KIRREL3: variants seen among roughly 807,000 people sequenced by gnomAD.
KIRREL3 encodes the protein kin of IRRE-like protein 3.
In KIRREL3, 36 loss-of-function variants were observed where a neutral mutation model predicts 89.7. The ratio of observed to expected loss-of-function variants is 0.40; its 90% CI spans 0.31 to 0.53. The LOEUF is 0.53. KIRREL3 is among the 20% of genes least tolerant of loss of function. The probability of loss-of-function intolerance (pLI) is 0.49; values close to 1 mark genes in which losing one functional copy is unlikely to be tolerated. For synonymous variants in KIRREL3, 445 were observed against 441.4 expected (o/e 1.01, Z -0.10); for missense variants, 864 against 1,056.6 (o/e 0.82, Z 2.53).
Position 126,485,927 on chromosome 11 carries a change from C to A in KIRREL3, c.434-12461G>T, listed in dbSNP as rs1220151612. On this transcript the variant is annotated intron_variant, in intron 4 of 16. Coordinates refer to ENST00000525144, the MANE Select transcript of KIRREL3 (RefSeq NM_032531.4). The surrounding 1 kb of genome is among the most constrained non-coding windows in gnomAD (Gnocchi z 5.8). ...GGGAGGGAGGGCTAGTCCAGTGGGC[C>A]AGGGAAAGGGAGCCAGGTGCTGTCA... is the stretch of plus-strand genomic sequence containing the variant. Among the ~76,000 whole-genome samples the A allele has an allele frequency of 1.3e-5, 2 of 152,178 alleles. No homozygotes were observed. The highest frequency in any genetic ancestry group is 4.8e-5 in the African/African-American group (2 of 41,440).
chr11:126,522,801 G>A lies in KIRREL3; in HGVS notation c.284-1337C>T, dbSNP rs1285227443. Among the ~76,000 whole-genome samples, 7 of 152,084 alleles carry A rather than the reference G, an allele frequency of 4.6e-5. No individual in the cohort carries two copies. The highest frequency in any genetic ancestry group is 1.2e-4 in the African/African-American group (5 of 41,406). On this transcript the variant is annotated intron_variant, in intron 3 of 16. Transcript: ENST00000525144. This position sits in a 1 kb window ranked among gnomAD's most constrained non-coding sequence, Gnocchi z 6.0. Reference sequence around the variant, plus strand: ...CCCCGCTGTCTTTCATCTCTGTCCCGGTTCCCTTCTCTCCTCAGAGGCTGC... The same window carrying A: ...CCCCGCTGTCTTTCATCTCTGTCCCAGTTCCCTTCTCTCCTCAGAGGCTGC...
At position 126,704,984 on chromosome 11, in the gene KIRREL3, G is replaced by T. The variant is rs1490842312; in HGVS notation, c.56-142072C>A. 1.3e-5 allele frequency among the ~76,000 whole-genome samples: 2 copies of T among 152,170 alleles called. No individual in the cohort carries two copies. Among genetic ancestry groups the T allele is most frequent in the East Asian group, 3.9e-4 (2 of 5,192 alleles). On this transcript the variant is annotated intron_variant, in intron 1 of 16. Coordinates refer to ENST00000525144, the MANE Select transcript of KIRREL3 (RefSeq NM_032531.4). The surrounding 1 kb of genome is among the most constrained non-coding windows in gnomAD (Gnocchi z 4.2). ...GCAGCTCCAGAGCTGTATGACAGGA[G>T]TGGGAGGACTCTTGGGTCAGAACTG...
chr11:126,670,224 A>T (rs1407804194), intron 1 of KIRREL3, among the ~76,000 whole-genome samples: 1 of 151,906 alleles, frequency 6.6e-6, no homozygotes, highest in Non-Finnish European at 1.5e-5. Context: ...TAATGATTTT[A>T]AAAAATCAGC....
intron 4 of KIRREL3, among the ~76,000 whole-genome samples, chr11:126,499,470 C>T (rs927246481): frequency 2.6e-5 from 4 of 152,168 alleles, no homozygotes; most frequent in Admixed American, 2.0e-4. Context: ...TCGGATCAGG[C>T]GATGAGCTCT....
At chr11:126,846,783 T>C (rs1592215724) in intron 1 of KIRREL3, among the ~76,000 whole-genome samples, 1 of 152,274 alleles carries the variant, frequency 6.6e-6, no homozygotes, top group East Asian at 1.9e-4. Flanking sequence ...TTACTTAAGT[T>C]TGGAGGTTTA....
chr11:126,721,069 G>A (rs1237235012), intron 1 of KIRREL3, among the ~76,000 whole-genome samples: 1 of 152,228 alleles, frequency 6.6e-6, no homozygotes, highest in East Asian at 1.9e-4. Flanking sequence ...TTTTGGCTGA[G>A]AGCCAAAGTG....
At position 126,477,133 on chromosome 11, in the gene KIRREL3, C is replaced by G. The variant is rs1449836152; in HGVS notation, c.434-3667G>C. Among the ~76,000 whole-genome samples the G allele has an allele frequency of 6.6e-6, 1 of 152,236 alleles. No homozygotes were observed. Among genetic ancestry groups the G allele is most frequent in the Non-Finnish European group, 1.5e-5 (1 of 68,038 alleles). On this transcript the variant is annotated intron_variant, in intron 4 of 16. Transcript: ENST00000525144. The surrounding 1 kb of genome is among the most constrained non-coding windows in gnomAD (Gnocchi z 4.8). ...CCAGCCTAAGAGGCCACAGCGCGGC[C>G]TTAGCCGGGGGTGGCTGAGCGACAC...
rs1373819635 is a variant in KIRREL3, at chr11:126,569,377, T to C, written c.56-6465A>G. ...AACATTTTGTTGGGGGAAACAGCAG[T>C]TGGATCCTGTGGGTAGACTCTGCTA... On this transcript the variant is annotated intron_variant, in intron 1 of 16. Transcript: ENST00000525144. The surrounding 1 kb of genome is among the most constrained non-coding windows in gnomAD (Gnocchi z 6.5). Among the ~76,000 whole-genome samples, 2 of 152,236 alleles carry C rather than the reference T, an allele frequency of 1.3e-5. No individual in the cohort carries two copies. Among genetic ancestry groups the C allele is most frequent in the East Asian group, 3.9e-4 (2 of 5,164 alleles).
chr11:126,942,477 C>T (rs1948483766), intron 1 of KIRREL3, among the ~76,000 whole-genome samples: 2 of 152,116 alleles, frequency 1.3e-5, no homozygotes, highest in Non-Finnish European at 2.9e-5. Flanking sequence ...TAACCCTAGC[C>T]ATGGATTCAG....
chr11:126,914,075 T>C (rs1000037073), intron 1 of KIRREL3, among the ~76,000 whole-genome samples: 2 of 152,210 alleles, frequency 1.3e-5, no homozygotes, highest in African/African-American at 4.8e-5. Flanking sequence ...TATGAGTGAA[T>C]GTGATGCCAC....
At chr11:126,875,466 G>C (rs1368540788) in intron 1 of KIRREL3, among the ~76,000 whole-genome samples, 1 of 152,156 alleles carries the variant, frequency 6.6e-6, no homozygotes, top group African/African-American at 2.4e-5. Flanking sequence ...TTCACATCTT[G>C]GAAATGCAAT....
At chr11:126,916,551 T>C (rs1429356878) in intron 1 of KIRREL3, among the ~76,000 whole-genome samples, 1 of 152,066 alleles carries the variant, frequency 6.6e-6, no homozygotes, top group African/African-American at 2.4e-5. Flanking sequence ...TCCGAGACTA[T>C]GTTTAGGGTA....
Position 126,989,997 on chromosome 11 carries a change from G to A in KIRREL3, c.55+10458C>T, listed in dbSNP as rs747962610. 6.6e-6 allele frequency among the ~76,000 whole-genome samples: 1 copy of A among 152,206 alleles called. No individual in the cohort carries two copies. The highest frequency in any genetic ancestry group is 2.1e-4 in the South Asian group (1 of 4,830). On this transcript the variant is annotated intron_variant, in intron 1 of 16. Transcript: ENST00000525144. The surrounding 1 kb of genome is among the most constrained non-coding windows in gnomAD (Gnocchi z 6.2). ...TTTGTTTTGTTTTTTCAGCATTTGC[G>A]GGGAATGACAACAGAAATATTGGCT...
intron 1 of KIRREL3, among the ~76,000 whole-genome samples, chr11:126,926,808 G>A (rs1001344311): frequency 3.3e-5 from 5 of 152,230 alleles, no homozygotes; most frequent in Admixed American, 2.0e-4. Context: ...AAGCAAAGGA[G>A]AAAGATGTCT....
rs1231168759 is a variant in KIRREL3, at chr11:126,553,332, C to T, written c.133+9503G>A. ...GAGTAAGGAAAGCCCACTCCAGAGT[C>T]AGTGTCTATTCTAGGCAAGACCCAT... On this transcript the variant is annotated intron_variant, in intron 2 of 16. Coordinates refer to ENST00000525144, the MANE Select transcript of KIRREL3 (RefSeq NM_032531.4). This position sits in a 1 kb window ranked among gnomAD's most constrained non-coding sequence, Gnocchi z 4.7. Among the ~76,000 whole-genome samples, 1 of 152,160 alleles carries T rather than the reference C, an allele frequency of 6.6e-6. No homozygotes were observed. The highest frequency in any genetic ancestry group is 2.4e-5 in the African/African-American group (1 of 41,422).
At chr11:126,859,323 G>A (rs1944634683) in intron 1 of KIRREL3, among the ~76,000 whole-genome samples, 1 of 152,308 alleles carries the variant, frequency 6.6e-6, no homozygotes, top group Admixed American at 6.5e-5. Context: ...CATTTTTACT[G>A]AGGAGGAAAC....
rs905256211 is a variant in KIRREL3 at position 126,522,800 on chromosome 11, C to T, written c.284-1336G>A. Among the ~76,000 whole-genome samples the T allele has an allele frequency of 7.9e-5, 12 of 152,172 alleles. No homozygotes were observed. The highest frequency in any genetic ancestry group is 1.2e-4 in the African/African-American group (5 of 41,448). ...TCCCCGCTGTCTTTCATCTCTGTCC[C>T]GGTTCCCTTCTCTCCTCAGAGGCTG... On this transcript the variant is annotated intron_variant, in intron 3 of 16. Transcript: ENST00000525144. This position sits in a 1 kb window ranked among gnomAD's most constrained non-coding sequence, Gnocchi z 6.0.
At chr11:126,542,669 G>A (rs1032196034) in intron 2 of KIRREL3, among the ~76,000 whole-genome samples, 2 of 152,126 alleles carry the variant, frequency 1.3e-5, no homozygotes, top group Non-Finnish European at 2.9e-5. Flanking sequence ...ACCTTATCTA[G>A]GAAGGGAGGG....
At chr11:126,762,988 A>C (rs1318849291) in intron 1 of KIRREL3, among the ~76,000 whole-genome samples, 2 of 152,144 alleles carry the variant, frequency 1.3e-5, no homozygotes, top group East Asian at 3.9e-4. Flanking sequence ...GTGGGGCTGC[A>C]CTCTCAGAGG....
Sources: gnomAD v4.1 joint callset for allele counts (sites outside exome capture counted in the v4.1 genomes callset) on GRCh38, gnomAD v4.1.1 for gene constraint, Gnocchi (gnomAD v3.1) non-coding constraint, MANE v1.5 for transcripts, NCBI Gene and HGNC (gene_info 2026-07-23, HGNC 2026-07-21) for gene names.